Variants in DCLRE1C observed in about 807,000 individuals in gnomAD.
DCLRE1C encodes the protein protein artemis.
Under a neutral mutation model 61.4 loss-of-function variants are expected in DCLRE1C, and 47 were observed. The observed-to-expected ratio is 0.77, with a 90% CI of 0.61 to 0.98. DCLRE1C has a LOEUF of 0.98. DCLRE1C is among the 50% of genes least tolerant of loss of function. The pLI, the probability that DCLRE1C is intolerant of heterozygous loss-of-function variation, is 0.00. For missense variants in DCLRE1C, 858 were observed against 816.0 expected (o/e 1.05, Z -0.63); for synonymous variants, 337 against 287.6 (o/e 1.17, Z -1.74).
intron 12 of DCLRE1C, 34 bp from the exon 13 acceptor site, chr10:14,919,866 T>C (rs1457532634): frequency 6.4e-7 from 1 of 1,556,502 alleles, no homozygotes. Context: ...TTTTTCCTTT[T>C]GAGGAAGTTG....
intron 13 of DCLRE1C, among the ~76,000 whole-genome samples, chr10:14,918,934 G>A (rs1564393617): frequency 6.6e-6 from 1 of 152,158 alleles, no homozygotes; most frequent in Non-Finnish European, 1.5e-5. Flanking sequence ...AGGGACTTAA[G>A]TCTCTAAACT....
rs766628291 is a variant in DCLRE1C at position 14,919,799 on chromosome 10, C to T, written c.1095G>A (p.Thr365=). 17 of 1,613,784 alleles carry T rather than the reference C, an allele frequency of 1.1e-5. No homozygotes were observed. Among genetic ancestry groups the T allele is most frequent in the South Asian group, 7.7e-5 (7 of 91,066 alleles). The change falls in exon 13 of 14, where the codon ACG becomes ACA. Residue 365 remains threonine, a synonymous_variant. Coordinates refer to ENST00000378278, the MANE Select transcript of DCLRE1C (RefSeq NM_001033855.3). ...LKPLCRSSQS[T]EPKYKPLGKL... is the part of the protein sequence containing the mutation. ...TTCCCAGTGGTTTATACTTTGGCTC[C>T]GTACTTTGGGAAGACCGGCATAAAG...
At chr10:14,917,449 A>G (rs1235080816) in intron 13 of DCLRE1C, among the ~76,000 whole-genome samples, 2 of 152,036 alleles carry the variant, frequency 1.3e-5, no homozygotes, top group South Asian at 2.1e-4. Flanking sequence ...GATTACCTAC[A>G]GAGTAGAAGA....
chr10:14,926,710 G>GAA, intron 11 of DCLRE1C, 133 bp downstream of exon 11: 1 of 693,760 alleles, frequency 1.4e-6, no homozygotes, highest in Non-Finnish European at 2.5e-6. Context: ...CTGCATTTAG[G>GAA]AAAAAAAAAC....
intron 2 of DCLRE1C, 35 bp from the exon 3 acceptor site, chr10:14,945,224 T>C: frequency 6.3e-7 from 1 of 1,583,842 alleles, no homozygotes; most frequent in South Asian, 1.1e-5. Flanking sequence ...TTCAGTACAA[T>C]CCAAAATGAG....
At chr10:14,938,454 G>A (rs1840338556) in intron 4 of DCLRE1C, among the ~76,000 whole-genome samples, 2 of 152,156 alleles carry the variant, frequency 1.3e-5, no homozygotes, top group East Asian at 3.9e-4. Flanking sequence ...CACCAAAGAA[G>A]AAATATCTGA....
chr10:14,899,419 A>T, intron 13 of DCLRE1C: 1 of 1,070,204 alleles, frequency 9.3e-7, no homozygotes, highest in South Asian at 1.5e-5. Flanking sequence ...GTTTGCTTTG[A>T]TGACACCTGA....
chr10:14,903,456 A>G (rs1834155915), downstream of DCLRE1C: 2 of 152,232 alleles, frequency 1.3e-5, no homozygotes, highest in African/African-American at 4.8e-5. Flanking sequence ...AGGCAGGTGT[A>G]ACAGTTCCTT....
chr10:14,916,744 TGAGA>T (rs1836266271), intron 13 of DCLRE1C, among the ~76,000 whole-genome samples: 1 of 152,208 alleles, frequency 6.6e-6, no homozygotes. Context: ...AAAACACTGC[TGAGA>T]GAAATTAGAG....
chr10:14,933,805 T>G (rs1839420757), intron 8 of DCLRE1C, among the ~76,000 whole-genome samples: 1 of 152,212 alleles, frequency 6.6e-6, no homozygotes, highest in Non-Finnish European at 1.5e-5. Flanking sequence ...GAAAAATACT[T>G]TGTCTATGCG....
chr10:14,926,938 C>T, intron 10 of DCLRE1C, 41 bp from the exon 11 acceptor site: 1 of 1,564,796 alleles, frequency 6.4e-7, no homozygotes, highest in Admixed American at 1.7e-5. Flanking sequence ...GATCACTGAG[C>T]AAAACTAAAA....
chr10:14,934,282 C>A (rs573572280), intron 8 of DCLRE1C, 98 bp downstream of exon 8: 3 of 1,526,124 alleles, frequency 2.0e-6, no homozygotes, highest in South Asian at 1.2e-5. Context: ...GAGCCGAGGT[C>A]GCGTCACTAC....
chr10:14,934,304 G>A, intron 8 of DCLRE1C, 76 bp downstream of exon 8: 3 of 1,577,490 alleles, frequency 1.9e-6, no homozygotes, highest in Non-Finnish European at 2.6e-6. Context: ...CTCCAGCCTG[G>A]GCAACATAGC....
chr10:14,942,251 C>G (rs989482914), intron 3 of DCLRE1C: 56 of 152,332 alleles, frequency 3.7e-4, no homozygotes, highest in African/African-American at 1.3e-3. Context: ...CTATTGAGGC[C>G]AGAGGAAGTG....
intron 12 of DCLRE1C, chr10:14,920,248 G>T: frequency 2.4e-6 from 1 of 413,626 alleles, no homozygotes; most frequent in Non-Finnish European, 3.8e-6. Context: ...GCCCTGTTCA[G>T]TAGGGTTTAC....
chr10:14,922,946 G>A (rs769512487), intron 12 of DCLRE1C, 35 bp downstream of exon 12: 3 of 1,460,210 alleles, frequency 2.1e-6, no homozygotes, highest in South Asian at 2.3e-5. Flanking sequence ...AGCCACCAAG[G>A]GGGACACCAA....
At chr10:14,936,503 A>G (rs761574174) in intron 5 of DCLRE1C, 35 bp downstream of exon 5, 1 of 1,557,022 alleles carries the variant, frequency 6.4e-7, no homozygotes, top group Admixed American at 1.7e-5. Context: ...ATGTGTCTAC[A>G]TATAATAAAA....
At chr10:14,946,667 A>AC (rs1564475619) in intron 2 of DCLRE1C, among the ~76,000 whole-genome samples, 1 of 148,844 alleles carries the variant, frequency 6.7e-6, no homozygotes, top group Non-Finnish European at 1.5e-5. Flanking sequence ...CGCTAAAGAG[A>AC]TTTTTTTTTT....
chr10:14,909,430 G>T, intron 13 of DCLRE1C, 100 bp from the exon 14 acceptor site: 5 of 1,037,886 alleles, frequency 4.8e-6, no homozygotes, highest in African/African-American at 3.2e-5. Context: ...AAAGAATAGG[G>T]AGGCCACTCT....
Sources: gnomAD v4.1 joint callset for allele counts (sites outside exome capture counted in the v4.1 genomes callset) on GRCh38, gnomAD v4.1.1 for gene constraint, MANE v1.5 for transcripts, NCBI Gene and HGNC (gene_info 2026-07-23, HGNC 2026-07-21) for gene names.